The following FHIT variants were observed in gnomAD, a reference collection of about 807,000 sequenced individuals.
FHIT encodes the protein bis(5'-adenosyl)-triphosphatase.
A neutral mutation model predicts 17.9 loss-of-function variants in FHIT; 19 were observed. The observed-to-expected ratio is 1.06, with a 90% CI of 0.74 to 1.56. The LOEUF (loss-of-function observed/expected upper bound fraction) is 1.56, where lower values mean the gene tolerates loss of function less well. FHIT is among the 40% of genes most tolerant of loss of function. The pLI, the probability that FHIT is intolerant of heterozygous loss-of-function variation, is 0.00. For synonymous variants in FHIT, 81 were observed against 69.7 expected (o/e 1.16, Z -0.81); for missense variants, 248 against 189.2 (o/e 1.31, Z -1.82).
At chr3:60,224,010 T>C (rs1704076484) in intron 5 of FHIT, among the ~76,000 whole-genome samples, 1 of 152,176 alleles carries the variant, frequency 6.6e-6, no homozygotes, top group Non-Finnish European at 1.5e-5. Flanking sequence ...CAAACTTGTA[T>C]GTTTCCTCCT....
chr3:60,052,864 T>A (rs1701937826), intron 5 of FHIT, among the ~76,000 whole-genome samples: 1 of 151,222 alleles, frequency 6.6e-6, no homozygotes, highest in Non-Finnish European at 1.5e-5. Context: ...GCGTAATATT[T>A]GCAATGTAAC....
intron 9 of FHIT, chr3:59,751,763 T>C (rs502739): frequency 0.65 from 151,313 of 234,360 alleles, 49,191 homozygotes; most frequent in East Asian, 0.81. Context: ...GTCCACTCAG[T>C]GAAAGCAGAG....
intron 7 of FHIT, among the ~76,000 whole-genome samples, chr3:59,934,743 T>C (rs571396753): frequency 1.3e-5 from 2 of 152,164 alleles, no homozygotes; most frequent in Admixed American, 1.3e-4. Flanking sequence ...AGGAGAAGAA[T>C]GAGTGCCCAG....
At chr3:60,197,560 C>G (rs1048892701) in intron 5 of FHIT, among the ~76,000 whole-genome samples, 1 of 152,134 alleles carries the variant, frequency 6.6e-6, no homozygotes, top group Non-Finnish European at 1.5e-5. Context: ...TTACAAATAT[C>G]TTGAAATTTC....
chr3:61,122,038 A>G (rs1208379219), intron 2 of FHIT, among the ~76,000 whole-genome samples: 1 of 152,080 alleles, frequency 6.6e-6, no homozygotes, highest in Non-Finnish European at 1.5e-5. Context: ...TAACTATGAC[A>G]CTGACCAAGA....
chr3:61,038,081 A>G (rs2033341812), intron 3 of FHIT, among the ~76,000 whole-genome samples: 1 of 152,262 alleles, frequency 6.6e-6, no homozygotes, highest in Non-Finnish European at 1.5e-5. Flanking sequence ...GACATAATTG[A>G]TTTAAGTAAC....
intron 2 of FHIT, among the ~76,000 whole-genome samples, chr3:61,100,673 A>G (rs1317832273): frequency 1.3e-5 from 2 of 152,214 alleles, no homozygotes; most frequent in African/African-American, 4.8e-5. Flanking sequence ...TTACACTCCC[A>G]CCAATAGTGT....
At chr3:60,186,067 G>A (rs1044147160) in intron 5 of FHIT, among the ~76,000 whole-genome samples, 11 of 152,102 alleles carry the variant, frequency 7.2e-5, no homozygotes, top group African/African-American at 2.7e-4. Flanking sequence ...TATCAGATTT[G>A]TATTTTGTGT....
At chr3:60,739,102 T>C (rs904958522) in intron 4 of FHIT, among the ~76,000 whole-genome samples, 22 of 152,118 alleles carry the variant, frequency 1.4e-4, no homozygotes, top group African/African-American at 4.1e-4. Context: ...GGGAAGATCA[T>C]CTTCCCATTC....
intron 5 of FHIT, among the ~76,000 whole-genome samples, chr3:60,242,405 G>A (rs2107575471): frequency 6.6e-6 from 1 of 151,996 alleles, no homozygotes; most frequent in African/African-American, 2.4e-5. Flanking sequence ...AAACCCATTT[G>A]GGTCCTTATT....
chr3:60,422,663 T>G (rs1702521230), intron 5 of FHIT, among the ~76,000 whole-genome samples: 1 of 152,112 alleles, frequency 6.6e-6, no homozygotes, highest in Admixed American at 6.6e-5. Flanking sequence ...TAAAAATGGC[T>G]TTCATTTCGT....
At chr3:60,758,745 C>A (rs1699535037) in intron 4 of FHIT, among the ~76,000 whole-genome samples, 1 of 152,108 alleles carries the variant, frequency 6.6e-6, no homozygotes, top group Non-Finnish European at 1.5e-5. Context: ...ATTTTATGAA[C>A]TAGACATAGA....
intron 1 of FHIT, among the ~76,000 whole-genome samples, chr3:61,250,198 C>T (rs1272473679): frequency 6.6e-6 from 1 of 152,170 alleles, no homozygotes; most frequent in African/African-American, 2.4e-5. Context: ...ACCTGCCCGA[C>T]GAGAAACAAG....
chr3:60,186,001 T>A (rs1235394372), intron 5 of FHIT, among the ~76,000 whole-genome samples: 2 of 152,232 alleles, frequency 1.3e-5, no homozygotes, highest in African/African-American at 4.8e-5. Context: ...TAGCTTGTTT[T>A]GTTTTCTTAC....
At chr3:59,989,349 C>T (rs1709125943) in intron 7 of FHIT, among the ~76,000 whole-genome samples, 1 of 152,028 alleles carries the variant, frequency 6.6e-6, no homozygotes, top group Non-Finnish European at 1.5e-5. Context: ...TTAGGACTTT[C>T]ATTCCAACCC....
chr3:59,926,065 T>G (rs1339724762), intron 7 of FHIT, among the ~76,000 whole-genome samples: 1 of 152,250 alleles, frequency 6.6e-6, no homozygotes, highest in Non-Finnish European at 1.5e-5. Context: ...GGGGTTGCAG[T>G]TGAGCTGCTT....
intron 3 of FHIT, among the ~76,000 whole-genome samples, chr3:60,995,321 A>AAATAATAAT (rs529052622): frequency 8.6e-5 from 13 of 151,634 alleles, no homozygotes; most frequent in African/African-American, 2.7e-4. Context: ...CTCTGTCTCA[A>AAATAATAAT]AATAATAATA....
chr3:61,019,629 A>G (rs1480327054), intron 3 of FHIT, among the ~76,000 whole-genome samples: 1 of 152,228 alleles, frequency 6.6e-6, no homozygotes, highest in Non-Finnish European at 1.5e-5. Context: ...ATATAACGCT[A>G]TATAGCACAC....
chr3:60,440,005 G>A (rs1033498628), intron 5 of FHIT, among the ~76,000 whole-genome samples: 4 of 151,822 alleles, frequency 2.6e-5, no homozygotes, highest in Non-Finnish European at 5.9e-5. Flanking sequence ...ACTTCACATC[G>A]ACAGCCCCAC....
Sources: allele counts gnomAD v4.1 joint callset (sites outside exome capture counted in the v4.1 genomes callset), GRCh38; gene constraint gnomAD v4.1.1; transcripts MANE v1.5; gene names NCBI Gene and HGNC (gene_info 2026-07-23, HGNC 2026-07-21).